LRRC53: variants seen among roughly 807,000 people sequenced by gnomAD.
The protein encoded by LRRC53 is leucine rich repeat containing 53, also known as leucine-rich repeat-containing protein 53.
LRRC53 carries 25 observed loss-of-function variants against 13.6 expected under a neutral mutation model. The observed-to-expected ratio is 1.83, with a 90% CI of 1.34 to 2.56. LRRC53 has a LOEUF of 2.56. Ranked by LOEUF, LRRC53 falls within the 30% of genes most tolerant of loss-of-function variation. LRRC53 has a pLI of 0.00. For missense variants in LRRC53, 527 were observed against 275.8 expected (o/e 1.91, Z -6.45); for synonymous variants, 204 against 109.8 (o/e 1.86, Z -5.37).
chr1:74,528,256 G>A, the LRRC53 span, among the ~76,000 whole-genome samples: 7 of 152,308 alleles, frequency 4.6e-5, no homozygotes, highest in East Asian at 1.9e-4. Context: ...TGTACGTGTG[G>A]GCAGGCAGCC....
rs1257082892 is a variant in LRRC53, at chr1:74,509,947, T to A, written c.-27+2579A>T. On this transcript the variant is annotated intron_variant, in intron 1 of 4. Transcript: ENST00000294635. ...TTTTGTATTTTTTGTAGAGACAGGG[T>A]TTCACCAAGTCACCCAGGCTGGTCT... Among the ~76,000 whole-genome samples the A allele has an allele frequency of 2.6e-5, 4 of 151,964 alleles. No individual in the cohort carries two copies. The East Asian group carries it at 7.8e-4, about 30-fold the overall frequency.
intron 1 of LRRC53, among the ~76,000 whole-genome samples, chr1:74,487,490 G>A (rs771182087): frequency 2.0e-5 from 3 of 152,200 alleles, no homozygotes; most frequent in Admixed American, 6.6e-5. Context: ...ATTTTGAAGT[G>A]AGACCAGGCA....
the LRRC53 span, among the ~76,000 whole-genome samples, chr1:74,525,039 C>T: frequency 6.6e-6 from 1 of 152,064 alleles, no homozygotes; most frequent in East Asian, 1.9e-4. Context: ...GAGCTGGACA[C>T]TGGGGAAAGA....
chr1:74,500,178 T>G (rs1450825807), intron 1 of LRRC53, among the ~76,000 whole-genome samples: 1 of 152,142 alleles, frequency 6.6e-6, no homozygotes, highest in East Asian at 1.9e-4. Flanking sequence ...TAATTTCCAG[T>G]ATTTTATCTT....
At position 74,483,346 on chromosome 1, in the gene LRRC53, A is replaced by T. The variant is rs1232519661; in HGVS notation, c.4T>A (p.Leu2Met). 1.4e-6 allele frequency: 1 copy of T among 717,352 alleles called. No individual in the cohort carries two copies. The highest frequency in any genetic ancestry group is 1.7e-5 in the African/African-American group (1 of 57,250). The allele number at this position is 717,352 out of a possible 1,614,324, so 44.4% of individuals were successfully genotyped here. The stretch of plus-strand genomic sequence containing the variant: ...TCAGGGCAAGCTGCCACCAACCGCA[A>T]CATGATGGCAAAGAGTACCAGCCAT... M[L>M]RLVAACPESC... The change falls in exon 2 of 5, where the codon TTG (leucine) becomes ATG (methionine). Residue 2 changes from leucine to methionine, a missense_variant. Physicochemically the swap from Leu to Met is conservative, Grantham distance 15. Coordinates refer to ENST00000294635, the MANE Select transcript of LRRC53 (RefSeq NM_001382280.1).
At chr1:74,481,042 G>T in intron 2 of LRRC53, 74 bp from the exon 3 acceptor site, 3 of 628,360 alleles carry the variant, frequency 4.8e-6, no homozygotes, top group Non-Finnish European at 8.7e-6. Context: ...GGAGAGCAGA[G>T]AATCAATATC....
intron 1 of LRRC53, among the ~76,000 whole-genome samples, chr1:74,485,227 G>A (rs979725945): frequency 6.6e-5 from 10 of 152,230 alleles, no homozygotes; most frequent in African/African-American, 2.4e-4. Flanking sequence ...TGTAGCTCTT[G>A]AGTTGGGCCT....
In LRRC53 at chr1:74,475,726, T is replaced by G. The variant is rs1376815470; in HGVS notation, c.989A>C (p.Asn330Thr). 1 of 688,974 alleles carries G rather than the reference T, an allele frequency of 1.5e-6. No individual in the cohort carries two copies. Among genetic ancestry groups the G allele is most frequent in the Admixed American group, 2.2e-5 (1 of 45,404 alleles). 42.7% of individuals were successfully genotyped at this position (688,974 alleles called of 1,614,324 possible). ...QGKANEHTSE[N>T]LCCRTFDEPL... ...TTCATCGAAGGTTCTGCAACAAAGG[T>G]TTTCTGATGTGTGTTCATTTGCTTT... The change falls in exon 4 of 5, where the codon AAC becomes ACC. Residue 330 changes from asparagine to threonine, a missense_variant. By Grantham distance (65) the Asn-to-Thr change is moderately conservative. Transcript: ENST00000294635.
the LRRC53 span, among the ~76,000 whole-genome samples, chr1:74,529,337 A>C: frequency 6.6e-6 from 1 of 152,198 alleles, no homozygotes; most frequent in African/African-American, 2.4e-5. Context: ...AAGATGCATA[A>C]TTTGAATCTA....
At chr1:74,527,242 G>A in the LRRC53 span, among the ~76,000 whole-genome samples, 1 of 152,170 alleles carries the variant, frequency 6.6e-6, no homozygotes, top group Non-Finnish European at 1.5e-5. Context: ...AGTGGCTAAA[G>A]AAATGAAAGG....
At chr1:74,515,289 G>C (rs1248299661), upstream of LRRC53, among the ~76,000 whole-genome samples, 1 of 152,182 alleles carries the variant, frequency 6.6e-6, no homozygotes, top group East Asian at 1.9e-4. Flanking sequence ...TGTTAGGTCA[G>C]TGCCCTTCCT....
At chr1:74,495,530 T>C (rs1476153961) in intron 1 of LRRC53, among the ~76,000 whole-genome samples, 4 of 152,224 alleles carry the variant, frequency 2.6e-5, no homozygotes, top group African/African-American at 9.6e-5. Context: ...TATTTTCTCT[T>C]TTCTTTCCAT....
At chr1:74,510,976 C>G (rs932565685) in intron 1 of LRRC53, among the ~76,000 whole-genome samples, 1 of 152,206 alleles carries the variant, frequency 6.6e-6, no homozygotes, top group African/African-American at 2.4e-5. Context: ...CAACCTCTGC[C>G]TCCCAGGTTC....
chr1:74,511,637 G>A (rs1236305189), intron 1 of LRRC53, among the ~76,000 whole-genome samples: 1 of 152,042 alleles, frequency 6.6e-6, no homozygotes, highest in African/African-American at 2.4e-5. Context: ...TGATGGATTA[G>A]AGATCTCTTC....
At chr1:74,504,374 T>A (rs1204843881) in intron 1 of LRRC53, among the ~76,000 whole-genome samples, 2 of 152,164 alleles carry the variant, frequency 1.3e-5, no homozygotes, top group African/African-American at 2.4e-5. Flanking sequence ...CCAGCCCTCC[T>A]GAATGCTGTA....
upstream of LRRC53, among the ~76,000 whole-genome samples, chr1:74,515,303 G>A (rs1646333591): frequency 6.6e-6 from 1 of 152,090 alleles, no homozygotes; most frequent in Non-Finnish European, 1.5e-5. Flanking sequence ...CCTTCCTGAG[G>A]GTCATAGTCA....
chr1:74,521,952 G>A, the LRRC53 span, among the ~76,000 whole-genome samples: 1 of 152,102 alleles, frequency 6.6e-6, no homozygotes, highest in Non-Finnish European at 1.5e-5. Flanking sequence ...TCCAACTGTT[G>A]TTAATCTTCT....
At chr1:74,497,225 G>A (rs955168853) in intron 1 of LRRC53, among the ~76,000 whole-genome samples, 17 of 152,054 alleles carry the variant, frequency 1.1e-4, no homozygotes, top group African/African-American at 4.1e-4. Flanking sequence ...AATGAAGAAG[G>A]GAGAGCAGCA....
chr1:74,488,588 CA>C (rs1226184083), intron 1 of LRRC53, among the ~76,000 whole-genome samples: 5 of 152,132 alleles, frequency 3.3e-5, no homozygotes, highest in Non-Finnish European at 7.4e-5. Context: ...GCAACTGGAA[CA>C]AAGCTTGAAA....
Sources: allele counts gnomAD v4.1 joint callset (sites outside exome capture counted in the v4.1 genomes callset), GRCh38; gene constraint gnomAD v4.1.1; transcripts MANE v1.5; gene names NCBI Gene and HGNC (gene_info 2026-07-23, HGNC 2026-07-21).